The following MRPL33 variants were observed in gnomAD, a reference collection of about 807,000 sequenced individuals.
MRPL33 encodes the protein mitochondrial ribosomal protein L33.
MRPL33 carries 5 observed loss-of-function variants against 10.1 expected under a neutral mutation model. The observed-to-expected ratio is 0.49, with a 90% CI of 0.26 to 1.04. The LOEUF is 1.04. Ranked by LOEUF, MRPL33 falls within the 50% of genes least tolerant of loss-of-function variation. The probability of loss-of-function intolerance (pLI) is 0.14; values close to 1 mark genes in which losing one functional copy is unlikely to be tolerated. For synonymous variants in MRPL33, 24 were observed against 27.7 expected (o/e 0.87, Z 0.42); for missense variants, 79 against 78.1 (o/e 1.01, Z -0.04).
At chr2:27,775,848 T>C (rs1677140066) in intron 3 of MRPL33, among the ~76,000 whole-genome samples, 1 of 152,180 alleles carries the variant, frequency 6.6e-6, no homozygotes, top group Non-Finnish European at 1.5e-5. Context: ...CTGTATCTGA[T>C]GGTAAGGAGT....
At position 27,779,471 on chromosome 2, in the gene MRPL33, C is replaced by T. The variant is rs763582483; in HGVS notation, c.187C>T (p.Arg63Cys). Residue 63 changes from arginine (R) to cysteine (C), a missense_variant, in exon 4 of 4, where the codon CGC becomes TGC. Physicochemically the swap from Arg to Cys is radical, Grantham distance 180. Coordinates refer to ENST00000296102, the MANE Select transcript of MRPL33 (RefSeq NM_004891.4). ...RVLFVEKKKIRSL is the reference protein window; with the variant it reads ...RVLFVEKKKICSL ...CCTCTTCGTGGAAAAGAAAAAAATA[C>T]GCTCCCTTTAAACGGTGGATTGAAA... The T allele has an allele frequency of 2.5e-5, 40 of 1,611,412 alleles. 1 individual carries two copies. The highest frequency in any genetic ancestry group is 4.0e-5 in the African/African-American group (3 of 74,728).
intron 3 of MRPL33, among the ~76,000 whole-genome samples, chr2:27,776,879 A>G (rs1461112264): frequency 2.6e-5 from 4 of 152,224 alleles, no homozygotes; most frequent in Non-Finnish European, 5.9e-5. Flanking sequence ...AGTGCGCACT[A>G]TGTGTCCAGC....
chr2:27,779,711 C>A lies in MRPL33; in HGVS notation c.*229C>A. 1 of 725,032 alleles carries A rather than the reference C, an allele frequency of 1.4e-6. No individual in the cohort carries two copies. Among genetic ancestry groups the A allele is most frequent in the South Asian group, 3.0e-5 (1 of 33,892 alleles). The allele number at this position is 725,032 out of a possible 1,614,324, so 44.9% of individuals were successfully genotyped here. Reference sequence around the variant, plus strand: ...TTATCTTTCTGGGTATTTTTATAGCCCTTAATAAAAAATATTAAAATAGCC... The same window carrying A: ...TTATCTTTCTGGGTATTTTTATAGCACTTAATAAAAAATATTAAAATAGCC... On this transcript the variant is annotated 3_prime_UTR_variant, in exon 4 of 4. Transcript: ENST00000296102.
chr2:27,778,635 A>C (rs1189275545), intron 3 of MRPL33, among the ~76,000 whole-genome samples: 1 of 151,414 alleles, frequency 6.6e-6, no homozygotes, highest in Non-Finnish European at 1.5e-5. Flanking sequence ...GCTCACTGCA[A>C]CCTCTGCCTC....
intron 3 of MRPL33, among the ~76,000 whole-genome samples, chr2:27,778,941 A>G (rs1002062615): frequency 6.6e-6 from 1 of 152,200 alleles, no homozygotes; most frequent in Admixed American, 6.5e-5. Flanking sequence ...TGGTTATGAT[A>G]TTAATTATAG....
rs970272424 is a variant in MRPL33 at position 27,771,899 on chromosome 2, A to C, written c.22+100A>C. The C allele has an allele frequency of 3.2e-6, 4 of 1,255,286 alleles. No individual in the cohort carries two copies. In the African/African-American group the frequency reaches 6.0e-5, roughly 19 times the overall value. The allele number at this position is 1,255,286 out of a possible 1,614,324, so 77.8% of individuals were successfully genotyped here. ...ATGCGGGGAAGGATGTGCGAACAGG[A>C]CGGGAAGCTGCAGCTGCGTACTTTT... On this transcript the variant is annotated intron_variant, in intron 1 of 3. Coordinates refer to ENST00000296102, the MANE Select transcript of MRPL33 (RefSeq NM_004891.4).
At chr2:27,772,179 T>G (rs1336016924) in intron 1 of MRPL33, 1 of 289,068 alleles carries the variant, frequency 3.5e-6, no homozygotes, top group Non-Finnish European at 6.5e-6. Flanking sequence ...ATGAATTGCC[T>G]GAGTAATGCG....
intron 1 of MRPL33, 64 bp from the exon 2 acceptor site, chr2:27,772,610 C>T: frequency 7.7e-7 from 1 of 1,299,192 alleles, no homozygotes; most frequent in East Asian, 2.5e-5. Flanking sequence ...ATGAACTTTG[C>T]ATAAGAAAGA....
chr2:27,779,305 C>T (rs1003152042), intron 3 of MRPL33, 128 bp from the exon 4 acceptor site: 25 of 1,184,310 alleles, frequency 2.1e-5, no homozygotes, highest in Non-Finnish European at 2.9e-5. Context: ...CAAATCAGCT[C>T]CATCTTCATA....
At chr2:27,775,685 A>G (rs1677136359) in intron 3 of MRPL33, among the ~76,000 whole-genome samples, 2 of 152,252 alleles carry the variant, frequency 1.3e-5, no homozygotes, top group South Asian at 2.1e-4. Flanking sequence ...CTATAATAAC[A>G]TGAGCAGACA....
intron 1 of MRPL33, chr2:27,772,052 G>C (rs1677060255): frequency 4.2e-6 from 2 of 470,942 alleles, no homozygotes; most frequent in Non-Finnish European, 3.8e-6. Flanking sequence ...GTTGAGTCTG[G>C]CTGTGGGGCG....
At chr2:27,773,454 AG>A (rs1677090510) in intron 2 of MRPL33, among the ~76,000 whole-genome samples, 2 of 152,232 alleles carry the variant, frequency 1.3e-5, no homozygotes, top group African/African-American at 4.8e-5. Context: ...AGGGATCTAT[AG>A]GAATCTCTTG....
chr2:27,779,101 CCTA>C (rs1677227799), intron 3 of MRPL33, among the ~76,000 whole-genome samples: 1 of 152,188 alleles, frequency 6.6e-6, no homozygotes, highest in African/African-American at 2.4e-5. Flanking sequence ...TTGCTTACCT[CCTA>C]CAAGAGTGGA....
intron 3 of MRPL33, among the ~76,000 whole-genome samples, chr2:27,777,858 C>T (rs187666817): frequency 4.6e-5 from 7 of 152,218 alleles, no homozygotes; most frequent in East Asian, 3.9e-4. Context: ...CCCTACCCCC[C>T]GCCTTTTTTT....
intron 3 of MRPL33, among the ~76,000 whole-genome samples, chr2:27,775,581 A>G (rs1336405653): frequency 6.6e-6 from 1 of 151,884 alleles, no homozygotes. Flanking sequence ...TGAACTCCTG[A>G]CCTCAGGTGA....
intron 2 of MRPL33, chr2:27,772,945 A>G (rs1677080775): frequency 4.3e-6 from 2 of 463,678 alleles, no homozygotes; most frequent in South Asian, 5.6e-5. Context: ...TAGTCCCAGG[A>G]TTTGTGAGCT....
At chr2:27,777,205 G>T (rs1054031893) in intron 3 of MRPL33, among the ~76,000 whole-genome samples, 2 of 151,506 alleles carry the variant, frequency 1.3e-5, no homozygotes, top group Non-Finnish European at 2.9e-5. Context: ...TAGGTTTTTG[G>T]TTTTTTTTGT....
chr2:27,775,676 TATA>T lies in MRPL33; in HGVS notation c.148+1151_148+1153del, dbSNP rs1368737484. Among the ~76,000 whole-genome samples, 4 of 152,200 alleles carry T rather than the reference TATA, an allele frequency of 2.6e-5. No individual in the cohort carries two copies. The East Asian group carries it at 7.7e-4, about 29-fold the overall frequency. ...CATTGCTTCTTAACAAGATAATGGC[TATA>T]ATAACATGAGCAGACATTTTTTAAA... On this transcript the variant is annotated intron_variant, in intron 3 of 3. Coordinates refer to ENST00000296102, the MANE Select transcript of MRPL33 (RefSeq NM_004891.4).
intron 3 of MRPL33, among the ~76,000 whole-genome samples, chr2:27,776,139 A>G (rs1390791892): frequency 6.6e-6 from 1 of 152,272 alleles, no homozygotes; most frequent in African/African-American, 2.4e-5. Context: ...AACAGTTCTG[A>G]TCATAGTTCA....
Sources: gnomAD v4.1 joint callset for allele counts (sites outside exome capture counted in the v4.1 genomes callset) on GRCh38, gnomAD v4.1.1 for gene constraint, MANE v1.5 for transcripts, NCBI Gene and HGNC (gene_info 2026-07-23, HGNC 2026-07-21) for gene names.